INTS4: variants seen among roughly 807,000 people sequenced by gnomAD.
INTS4 encodes MSTP093.
INTS4 carries 70 observed loss-of-function variants against 119.5 expected under a neutral mutation model. The observed-to-expected ratio is 0.59, with a 90% CI of 0.48 to 0.71. The LOEUF (loss-of-function observed/expected upper bound fraction) is 0.71. Ranked by LOEUF, INTS4 falls within the 30% of genes least tolerant of loss-of-function variation. The probability of loss-of-function intolerance (pLI) is 0.00; values close to 1 mark genes in which losing one functional copy is unlikely to be tolerated. For missense variants in INTS4, 867 were observed against 1,173.2 expected (o/e 0.74, Z 3.81); for synonymous variants, 316 against 419.6 (o/e 0.75, Z 3.02).
chr11:77,969,047 G>A (rs1855604643), intron 4 of INTS4, among the ~76,000 whole-genome samples: 1 of 151,830 alleles, frequency 6.6e-6, no homozygotes, highest in Non-Finnish European at 1.5e-5. Flanking sequence ...TGGTTCAAGT[G>A]ATTCTCATGC....
At chr11:77,914,661 A>G (rs541310174) in intron 15 of INTS4, among the ~76,000 whole-genome samples, 2 of 152,130 alleles carry the variant, frequency 1.3e-5, no homozygotes, top group African/African-American at 4.8e-5. Context: ...CAACTACTCA[A>G]CTCTGTGATT....
chr11:77,899,318 A>C (rs1952673146), intron 18 of INTS4, among the ~76,000 whole-genome samples: 1 of 152,140 alleles, frequency 6.6e-6, no homozygotes, highest in South Asian at 2.1e-4. Flanking sequence ...GGAGGAAAAA[A>C]GAAAACAATC....
chr11:77,947,049 T>A, intron 8 of INTS4, among the ~76,000 whole-genome samples: 1 of 148,002 alleles, frequency 6.8e-6, no homozygotes, highest in Non-Finnish European at 1.5e-5. Flanking sequence ...TAGACTAGGA[T>A]CAAGCAGAAG....
At chr11:77,897,424 A>G (rs1002172194) in intron 18 of INTS4, among the ~76,000 whole-genome samples, 1 of 151,558 alleles carries the variant, frequency 6.6e-6, no homozygotes, top group Non-Finnish European at 1.5e-5. Flanking sequence ...TTAAAAGATT[A>G]TATTTATAAA....
At chr11:77,917,247 T>C (rs1953224717) in intron 15 of INTS4, among the ~76,000 whole-genome samples, 1 of 152,146 alleles carries the variant, frequency 6.6e-6, no homozygotes, top group African/African-American at 2.4e-5. Flanking sequence ...TGGTACCAAA[T>C]ACTCTTCCGG....
In INTS4 at chr11:77,978,930, T is replaced by C; in HGVS notation, c.471+66A>G. On this transcript the variant is annotated intron_variant, in intron 4 of 22. Transcript: ENST00000534064. ...AAAAATAAGGCAGCTCCTAAAACCA[T>C]TAATGGTCCTTAGCAGTCCTCAGTT... The C allele has an allele frequency of 3.1e-6, 3 of 977,120 alleles. No homozygotes were observed. The East Asian group carries it at 7.4e-5, about 24-fold the overall frequency. The allele number at this position is 977,120 out of a possible 1,614,324, so 60.5% of individuals were successfully genotyped here. A position where few individuals can be genotyped will look rare whatever the true frequency, so the allele number is the denominator to read the frequency against.
At chr11:77,893,897 A>AAATAAATAAATG (rs1445461668) in intron 19 of INTS4, among the ~76,000 whole-genome samples, 36 of 148,894 alleles carry the variant, frequency 2.4e-4, no homozygotes, top group Non-Finnish European at 5.2e-4. Context: ...TGTCTTAAAT[A>AAATAAATAAATG]AATAAATAAA....
intron 4 of INTS4, among the ~76,000 whole-genome samples, chr11:77,974,403 C>G (rs1244488483): frequency 1.3e-5 from 2 of 151,394 alleles, no homozygotes; most frequent in African/African-American, 2.4e-5. Context: ...CCACCATACC[C>G]GACTAATTTT....
At chr11:77,961,744 C>T (rs1452739061) in intron 4 of INTS4, among the ~76,000 whole-genome samples, 1 of 152,146 alleles carries the variant, frequency 6.6e-6, no homozygotes, top group Non-Finnish European at 1.5e-5. Flanking sequence ...CATCTGGCTT[C>T]TGTGGCTTAT....
intron 11 of INTS4, among the ~76,000 whole-genome samples, chr11:77,925,123 G>A (rs1030783299): frequency 6.6e-6 from 1 of 151,992 alleles, no homozygotes; most frequent in African/African-American, 2.4e-5. Flanking sequence ...ATCCTATCTG[G>A]AACTCAATCA....
At chr11:77,907,334 A>T (rs1316264923) in intron 16 of INTS4, among the ~76,000 whole-genome samples, 2 of 152,166 alleles carry the variant, frequency 1.3e-5, no homozygotes, top group Non-Finnish European at 2.9e-5. Context: ...TTGGCCTGCC[A>T]AAGTGCTAAG....
At chr11:77,889,410 G>T (rs201173895) in intron 21 of INTS4, among the ~76,000 whole-genome samples, 1 of 147,344 alleles carries the variant, frequency 6.8e-6, no homozygotes, top group African/African-American at 2.5e-5. Flanking sequence ...GTAGGGGGAG[G>T]GGGGAGGGAT....
intron 1 of INTS4, among the ~76,000 whole-genome samples, chr11:77,992,378 C>T (rs771925834): frequency 6.6e-6 from 1 of 151,898 alleles, no homozygotes; most frequent in Non-Finnish European, 1.5e-5. Context: ...GCGAAAAGAG[C>T]GAAACTCCAT....
At chr11:77,932,557 C>G (rs1953678424) in intron 10 of INTS4, among the ~76,000 whole-genome samples, 1 of 152,172 alleles carries the variant, frequency 6.6e-6, no homozygotes, top group African/African-American at 2.4e-5. Flanking sequence ...AACGATTCCT[C>G]AAGGATCTAG....
chr11:77,960,299 TGA>T, intron 6 of INTS4, 40 bp downstream of exon 6: 2 of 1,460,132 alleles, frequency 1.4e-6, no homozygotes, highest in African/African-American at 2.8e-5. Context: ...CCCAGCTTCA[TGA>T]TACCTCCAAC....
intron 18 of INTS4, chr11:77,901,212 G>A: frequency 1.6e-6 from 1 of 627,230 alleles, no homozygotes; most frequent in Non-Finnish European, 2.8e-6. Flanking sequence ...TTTTTAGCAA[G>A]GGAGAGACAC....
intron 4 of INTS4, among the ~76,000 whole-genome samples, chr11:77,976,677 A>G (rs1280793248): frequency 6.6e-6 from 1 of 152,242 alleles, no homozygotes; most frequent in Non-Finnish European, 1.5e-5. Context: ...GAACCAACCC[A>G]AATGTCCAAC....
At chr11:77,953,693 C>A (rs1954250498) in intron 8 of INTS4, among the ~76,000 whole-genome samples, 1 of 152,100 alleles carries the variant, frequency 6.6e-6, no homozygotes, top group Admixed American at 6.5e-5. Flanking sequence ...AAGTGATCCT[C>A]CCACCTCAGC....
chr11:77,979,910 G>A (rs1425234250), intron 3 of INTS4, among the ~76,000 whole-genome samples: 9 of 149,550 alleles, frequency 6.0e-5, no homozygotes, highest in African/African-American at 1.5e-4. Context: ...CCCGGGAGGC[G>A]GAGGTTGCAG....
Sources: gnomAD v4.1 joint callset for allele counts (sites outside exome capture counted in the v4.1 genomes callset) on GRCh38, gnomAD v4.1.1 for gene constraint, MANE v1.5 for transcripts, NCBI Gene and HGNC (gene_info 2026-07-23, HGNC 2026-07-21) for gene names.